STAG2: variants seen among roughly 807,000 people sequenced by gnomAD.
STAG2 encodes STAG2 cohesin complex component.
A neutral mutation model predicts 108.1 loss-of-function variants in STAG2; 14 were observed. That is an observed-to-expected ratio of 0.13 (90% CI 0.09 to 0.20). The LOEUF (loss-of-function observed/expected upper bound fraction) is 0.20, where lower values mean the gene tolerates loss of function less well. Among genes scored for constraint, STAG2 ranks in the 10% least tolerant of loss-of-function variants. The probability of loss-of-function intolerance (pLI) is 1.00; values close to 1 mark genes in which losing one functional copy is unlikely to be tolerated. For synonymous variants in STAG2, 307 were observed against 302.7 expected (o/e 1.01, Z -0.15); for missense variants, 440 against 940.9 (o/e 0.47, Z 6.96).
chrX:124,064,444 GTT>G (rs757340317), intron 20 of STAG2, among the ~76,000 whole-genome samples: 16 of 96,193 alleles, frequency 1.7e-4, no homozygotes, highest in Admixed American at 1.1e-4. Flanking sequence ...AGGACATTAT[GTT>G]TTTTTTTTTT....
chrX:124,000,086 C>T (rs184454156), intron 1 of STAG2, among the ~76,000 whole-genome samples: 145 of 110,229 alleles, frequency 1.3e-3, no homozygotes, highest in African/African-American at 4.7e-3. Flanking sequence ...CAGTCATGTG[C>T]TGAATAATGA....
Position 123,983,974 on chromosome X carries a change from C to CTTTTTTTTTTTTTTTTTTTTTT in STAG2, c.-163+22139_-163+22140insTTTTTTTTTTTTTTTTTTTTTT. 1.5e-3 allele frequency among the ~76,000 whole-genome samples: 94 copies of CTTTTTTTTTTTTTTTTTTTTTT among 61,459 alleles called. 8 individuals carry two copies. Among genetic ancestry groups the CTTTTTTTTTTTTTTTTTTTTTT allele is most frequent in the African/African-American group, 2.8e-3 (31 of 10,968 alleles). 53.4% of individuals were successfully genotyped at this position (61,459 alleles called of 115,157 possible). On this transcript the variant is annotated intron_variant, in intron 1 of 34. Transcript: ENST00000371145. The stretch of plus-strand genomic sequence containing the variant: ...AAAAAGAATAATTTTCTTTTCTTTT[C>CTTTTTTTTTTTTTTTTTTTTTT]TTTTTTTTTTTTTTTTTTTTTGAGA...
At chrX:124,091,062 A>C in intron 32 of STAG2, 98 bp downstream of exon 32, 2 of 623,639 alleles carry the variant, frequency 3.2e-6, no homozygotes, top group Non-Finnish European at 4.9e-6. Context: ...CAAACTCTCT[A>C]GAGTAACCTA....
In STAG2 at chrX:124,084,338, C is replaced by CT. The variant is rs760000420; in HGVS notation, c.3053+802dup. On this transcript the variant is annotated intron_variant, in intron 29 of 34. Coordinates refer to ENST00000371145, the MANE Select transcript of STAG2 (RefSeq NM_001042750.2). ...ACACTAGGGTACTAGAGTTCTGTAT[C>CT]TTTTTTTTTTTTTGAAATGAAGTTA... Among the ~76,000 whole-genome samples, 121 of 103,060 alleles carry CT rather than the reference C, an allele frequency of 1.2e-3. 1 individual carries two copies. The East Asian group carries it at 0.013, about 11-fold the overall frequency. The allele number at this position is 103,060 out of a possible 115,157, so 89.5% of individuals were successfully genotyped here.
At chrX:124,027,053 G>A (rs1030466212) in intron 4 of STAG2, among the ~76,000 whole-genome samples, 4 of 110,802 alleles carry the variant, frequency 3.6e-5, no homozygotes, top group Admixed American at 9.6e-5. Flanking sequence ...ACAGGCCTGT[G>A]CCACGATGCC....
Position 124,084,149 on chromosome X carries a change from C to T in STAG2, c.3053+600C>T, listed in dbSNP as rs143259449. ...GCTTTGAGGTGTAAAAGGGCAGAAG[C>T]GTATGGATACCTCATATTGTAAATA... On this transcript the variant is annotated intron_variant, in intron 29 of 34. Coordinates refer to ENST00000371145, the MANE Select transcript of STAG2 (RefSeq NM_001042750.2). 7.3e-3 allele frequency among the ~76,000 whole-genome samples: 816 copies of T among 111,614 alleles called. 3 individuals are homozygous for T. Among genetic ancestry groups the T allele is most frequent in the Middle Eastern group, 0.014 (3 of 214 alleles).
intron 4 of STAG2, among the ~76,000 whole-genome samples, chrX:124,028,803 T>C (rs1187272586): frequency 1.2e-5 from 1 of 83,699 alleles, no homozygotes; most frequent in Non-Finnish European, 2.3e-5. Context: ...TTTATATATA[T>C]ATATATATAT....
chrX:124,009,433 AGG>A lies in STAG2; in HGVS notation c.-162-11933_-162-11932del, dbSNP rs1491136816. ...TAGGTAGGTAGGTAGGTAGGTAGGT[AGG>A]TAGGTAGGTAGATAGATAGATAGAT... is the stretch of plus-strand genomic sequence containing the variant. On this transcript the variant is annotated intron_variant, in intron 1 of 34. Transcript: ENST00000371145. Among the ~76,000 whole-genome samples, 685 of 97,268 alleles carry A rather than the reference AGG, an allele frequency of 7.0e-3. 2 individuals carry two copies. The highest frequency in any genetic ancestry group is 0.011 in the Non-Finnish European group (512 of 47,951). The allele number at this position is 97,268 out of a possible 115,157, so 84.5% of individuals were successfully genotyped here.
intron 1 of STAG2, among the ~76,000 whole-genome samples, chrX:123,984,285 T>A (rs967709019): frequency 3.6e-5 from 4 of 111,385 alleles, no homozygotes; most frequent in Non-Finnish European, 5.6e-5. Context: ...GCCAAAAGAA[T>A]AATTTTCAAA....
chrX:124,056,691 C>T (rs960694513), intron 14 of STAG2, among the ~76,000 whole-genome samples: 2 of 98,118 alleles, frequency 2.0e-5, no homozygotes, highest in South Asian at 5.1e-4. Context: ...CGAGATTGGG[C>T]CACTGCACTC....
chrX:124,063,757 G>A lies in STAG2; in HGVS notation c.1822-91G>A, dbSNP rs919641611. The A allele has an allele frequency of 5.5e-5, 42 of 757,583 alleles. No individual in the cohort carries two copies. The South Asian group carries it at 8.0e-4, about 14-fold the overall frequency. 62.4% of individuals were successfully genotyped at this position (757,583 alleles called of 1,213,427 possible). ...TCTGTGTTGTAGACTTACTGTATTT[G>A]AAAATTTTTTCCATGGTGGTATGGT... On this transcript the variant is annotated intron_variant, in intron 19 of 34. Coordinates refer to ENST00000371145, the MANE Select transcript of STAG2 (RefSeq NM_001042750.2).
chrX:124,089,730 C>T (rs1170792475), intron 30 of STAG2, among the ~76,000 whole-genome samples: 1 of 111,952 alleles, frequency 8.9e-6, no homozygotes, highest in East Asian at 2.8e-4. Context: ...ACAAGATTTT[C>T]CACAGTTTGA....
rs188452189 is a variant in STAG2, at chrX:124,070,983, C to T, written c.2359-166C>T. On this transcript the variant is annotated intron_variant, in intron 24 of 34. Transcript: ENST00000371145. ...ATTCGTTGTTACATAAATTATACTT[C>T]GCAGCTTTAGAATCTTAGGAAAATA... Among the ~76,000 whole-genome samples, 829 of 111,837 alleles carry T rather than the reference C, an allele frequency of 7.4e-3. 8 individuals are homozygous for T. Among genetic ancestry groups the T allele is most frequent in the African/African-American group, 0.025 (779 of 30,857 alleles).
intron 27 of STAG2, 133 bp downstream of exon 27, chrX:124,078,191 G>A: frequency 2.2e-6 from 1 of 455,879 alleles, no homozygotes; most frequent in Non-Finnish European, 3.7e-6. Flanking sequence ...AAGTATAAGT[G>A]AGATTATTTT....
chrX:124,061,369 G>A (rs767526426), intron 16 of STAG2, 28 bp downstream of exon 16: 1 of 1,055,380 alleles, frequency 9.5e-7, no homozygotes, highest in South Asian at 2.0e-5. Flanking sequence ...TGATATTTTT[G>A]TTTAGACAGT....
intron 5 of STAG2, among the ~76,000 whole-genome samples, chrX:124,034,789 T>C (rs2057454818): frequency 9.0e-6 from 1 of 111,515 alleles, no homozygotes; most frequent in African/African-American, 3.3e-5. Flanking sequence ...TCTAGATTGC[T>C]AATTCTTTGA....
At chrX:124,081,966 G>C (rs898428557) in intron 28 of STAG2, among the ~76,000 whole-genome samples, 1 of 111,986 alleles carries the variant, frequency 8.9e-6, no homozygotes, top group Non-Finnish European at 1.9e-5. Context: ...CTCCAGCCTG[G>C]GGGACAGAGC....
intron 1 of STAG2, among the ~76,000 whole-genome samples, chrX:124,011,847 G>T (rs1448657842): frequency 9.0e-6 from 1 of 111,326 alleles, no homozygotes; most frequent in Non-Finnish European, 1.9e-5. Flanking sequence ...TATTCATGAT[G>T]GCAGAGCCCT....
Position 124,090,703 on chromosome X carries a change from G to A in STAG2, c.3406G>A (p.Asp1136Asn). 1.7e-6 allele frequency: 2 copies of A among 1,211,460 alleles called. No homozygotes were observed. Among genetic ancestry groups the A allele is most frequent in the Non-Finnish European group, 2.2e-6 (2 of 895,425 alleles). Reference sequence around the variant, plus strand: ...AGAGCCCAAAAGATTACGGCCTGAGGATAGCTTCATGAGTGTTTATCCAAT... The same window carrying A: ...AGAGCCCAAAAGATTACGGCCTGAGAATAGCTTCATGAGTGTTTATCCAAT... ...MREPKRLRPEDSFMSVYPMQT... is the reference protein window; with the variant it reads ...MREPKRLRPENSFMSVYPMQT... Residue 1136 changes from aspartate to asparagine, a missense_variant, in exon 31 of 35, where the codon GAT (aspartate) becomes AAT (asparagine). Coordinates refer to ENST00000371145, the MANE Select transcript of STAG2 (RefSeq NM_001042750.2).
Sources: allele counts gnomAD v4.1 joint callset (sites outside exome capture counted in the v4.1 genomes callset), GRCh38; gene constraint gnomAD v4.1.1; transcripts MANE v1.5; gene names NCBI Gene and HGNC (gene_info 2026-07-23, HGNC 2026-07-21).